MZT2A: variants seen among roughly 807,000 people sequenced by gnomAD.
MZT2A encodes mitotic spindle organizing protein 2A.
A neutral mutation model predicts 12.4 loss-of-function variants in MZT2A; 8 were observed. That is an observed-to-expected ratio of 0.64 (90% CI 0.38 to 1.16). The LOEUF (loss-of-function observed/expected upper bound fraction) is 1.16. Among genes scored for constraint, MZT2A ranks in the 50% most tolerant of loss-of-function variants. The pLI is 0.01. For missense variants in MZT2A, 181 were observed against 223.6 expected (o/e 0.81, Z 1.22); for synonymous variants, 88 against 107.5 (o/e 0.82, Z 1.12).
chr2:131,478,312 C>T (rs370090968), intron 2 of MZT2A: 6 of 1,613,868 alleles, frequency 3.7e-6, no homozygotes, highest in African/African-American at 1.3e-5. Flanking sequence ...TCCTTCAACA[C>T]GTTCTTCAGT....
chr2:131,490,839 A>G, intron 2 of MZT2A: 2 of 1,549,990 alleles, frequency 1.3e-6, no homozygotes, highest in South Asian at 2.4e-5. Flanking sequence ...GGGCTGGAGG[A>G]AAACGAGGGC....
chr2:131,479,466 G>A (rs772923932), downstream of MZT2A: 1 of 1,612,520 alleles, frequency 6.2e-7, no homozygotes. Context: ...GGTAAGAAGA[G>A]AAGGTTTCAT....
At chr2:131,472,757 A>G (rs552764170) in intron 2 of MZT2A, among the ~76,000 whole-genome samples, 30 of 152,310 alleles carry the variant, frequency 2.0e-4, no homozygotes, top group African/African-American at 7.2e-4. Context: ...TCTCACATCA[A>G]CGAAATTACC....
intron 2 of MZT2A, 183 bp downstream of exon 2, chr2:131,491,693 C>A: frequency 1.3e-6 from 1 of 777,514 alleles, no homozygotes; most frequent in Non-Finnish European, 2.0e-6. Context: ...CCTGGACGTG[C>A]CTCCTAAGGC....
At chr2:131,471,948 C>G in intron 3 of MZT2A, 1 of 943,772 alleles carries the variant, frequency 1.1e-6, no homozygotes, top group Non-Finnish European at 1.4e-6. Flanking sequence ...GTCCTGCGTG[C>G]AGCAGGGACA....
chr2:131,478,656 C>T, intron 2 of MZT2A: 1 of 635,072 alleles, frequency 1.6e-6, no homozygotes, highest in South Asian at 2.3e-5. Context: ...GTGCCTCAGC[C>T]CTGCTCAGGT....
At chr2:131,480,361 C>A (rs756513787), downstream of MZT2A, 14 of 1,609,660 alleles carry the variant, frequency 8.7e-6, no homozygotes, top group East Asian at 3.1e-4. Context: ...GAACGTCCCA[C>A]GTACACCAAC....
upstream of MZT2A, among the ~76,000 whole-genome samples, chr2:131,493,317 T>A (rs1299596364): frequency 6.6e-6 from 1 of 152,154 alleles, no homozygotes; most frequent in African/African-American, 2.4e-5. Context: ...CTGCCACTCC[T>A]CTGGGCCATG....
chr2:131,491,841 G>A, intron 2 of MZT2A, 35 bp downstream of exon 2: 2 of 1,349,540 alleles, frequency 1.5e-6, no homozygotes, highest in Non-Finnish European at 2.0e-6. Context: ...CGCCACCCCC[G>A]CCACTGGGGC....
intron 2 of MZT2A, chr2:131,490,380 T>C (rs1291827028): frequency 2.0e-5 from 22 of 1,127,862 alleles, no homozygotes; most frequent in Non-Finnish European, 2.3e-5. Flanking sequence ...TTGTCACGCC[T>C]GGGGCTGTGC....
chr2:131,477,703 A>G (rs1184915863), intron 2 of MZT2A, among the ~76,000 whole-genome samples: 1 of 151,236 alleles, frequency 6.6e-6, no homozygotes, highest in East Asian at 1.9e-4. Context: ...TGGACGGGGT[A>G]GAACTGGGGG....
upstream of MZT2A, chr2:131,492,783 GGGGGGGT>G: frequency 3.7e-6 from 5 of 1,342,116 alleles, no homozygotes; most frequent in Admixed American, 2.3e-5. Flanking sequence ...TCGCTCTTCG[GGGGGGGT>G]GGGGGGCACT....
chr2:131,490,497 C>G, intron 2 of MZT2A: 1 of 1,423,008 alleles, frequency 7.0e-7, no homozygotes, highest in South Asian at 1.5e-5. Context: ...GGTCCTGTCC[C>G]CGGATGCCAG....
downstream of MZT2A, chr2:131,480,141 G>T (rs544267881): frequency 1.2e-6 from 2 of 1,612,736 alleles, no homozygotes; most frequent in African/African-American, 2.7e-5. Flanking sequence ...CTCTGGGTTC[G>T]CATCTCTGCT....
At chr2:131,490,663 T>C in intron 2 of MZT2A, 11 of 1,549,060 alleles carry the variant, frequency 7.1e-6, no homozygotes, top group Non-Finnish European at 9.6e-6. Flanking sequence ...GCAGTTTCCA[T>C]GAAAACAAGG....
upstream of MZT2A, chr2:131,493,107 A>G (rs1679418271): frequency 3.4e-6 from 5 of 1,490,064 alleles, no homozygotes; most frequent in Non-Finnish European, 4.5e-6. Context: ...GGCGGCTTCC[A>G]CCTCTGAAGC....
At chr2:131,489,986 C>T in intron 2 of MZT2A, 1 of 976,778 alleles carries the variant, frequency 1.0e-6, no homozygotes, top group Non-Finnish European at 1.2e-6. Flanking sequence ...CTCCCTCCTG[C>T]TGGACACTTG....
At chr2:131,475,708 G>T (rs977163683) in intron 2 of MZT2A, among the ~76,000 whole-genome samples, 3 of 152,152 alleles carry the variant, frequency 2.0e-5, no homozygotes, top group African/African-American at 7.2e-5. Context: ...GGAAGAGGGG[G>T]ATAATTGCGG....
At chr2:131,478,873 A>G (rs1286533490) in intron 2 of MZT2A, 1 of 208,432 alleles carries the variant, frequency 4.8e-6, no homozygotes, top group Non-Finnish European at 9.6e-6. Flanking sequence ...CCAGGAGATG[A>G]CAGCATCACC....
Sources: gnomAD v4.1 joint callset for allele counts (sites outside exome capture counted in the v4.1 genomes callset) on GRCh38, gnomAD v4.1.1 for gene constraint, MANE v1.5 for transcripts, NCBI Gene and HGNC (gene_info 2026-07-23, HGNC 2026-07-21) for gene names.